The following CCSER1 variants were observed in gnomAD, a reference collection of about 807,000 sequenced individuals.
CCSER1 encodes the protein coiled-coil serine rich protein 1, also known as serine-rich coiled-coil domain-containing protein 1.
A neutral mutation model predicts 82.0 loss-of-function variants in CCSER1; 41 were observed. The ratio of observed to expected loss-of-function variants is 0.50; its 90% CI spans 0.39 to 0.65. The LOEUF (loss-of-function observed/expected upper bound fraction) is 0.65, where lower values mean the gene tolerates loss of function less well. Among genes scored for constraint, CCSER1 ranks in the 30% least tolerant of loss-of-function variants. The pLI is 0.00. For missense variants in CCSER1, 1,119 were observed against 1,064.2 expected (o/e 1.05, Z -0.72); for synonymous variants, 414 against 383.9 (o/e 1.08, Z -0.92).
chr4:90,551,596 C>G (rs901877894), intron 5 of CCSER1, among the ~76,000 whole-genome samples: 1 of 151,102 alleles, frequency 6.6e-6, no homozygotes, highest in African/African-American at 2.4e-5. Flanking sequence ...ATGGGTGGAC[C>G]TCAACTCTAT....
At chr4:91,107,778 C>G (rs914413257) in intron 10 of CCSER1, among the ~76,000 whole-genome samples, 1 of 151,496 alleles carries the variant, frequency 6.6e-6, no homozygotes, top group Non-Finnish European at 1.5e-5. Context: ...GTGGGAAAGA[C>G]ATTAAGGCAC....
rs559962365 is a variant in CCSER1 at position 90,314,770 on chromosome 4, AT to A, written c.1509+1724del. On this transcript the variant is annotated intron_variant, in intron 3 of 10. Coordinates refer to ENST00000509176, the MANE Select transcript of CCSER1 (RefSeq NM_001145065.2). ...TCTCGATAAGATAAATAAAAAATAA[AT>A]AAATAAATAAATAAAATGTAAAAAG... is the stretch of plus-strand genomic sequence containing the variant. Among the ~76,000 whole-genome samples the A allele has an allele frequency of 2.0e-5, 3 of 151,566 alleles. 1 individual carries two copies. The highest frequency in any genetic ancestry group is 2.9e-5 in the Non-Finnish European group (2 of 67,894).
chr4:90,171,329 A>G (rs1235152733), intron 1 of CCSER1, among the ~76,000 whole-genome samples: 3 of 151,988 alleles, frequency 2.0e-5, no homozygotes, highest in Non-Finnish European at 2.9e-5. Flanking sequence ...AGACGTTCCT[A>G]CTTAAATCTA....
At chr4:90,338,889 ATAAG>A (rs1419941351) in intron 3 of CCSER1, among the ~76,000 whole-genome samples, 3 of 152,190 alleles carry the variant, frequency 2.0e-5, no homozygotes, top group South Asian at 2.1e-4. Flanking sequence ...ATGCAATAAA[ATAAG>A]TAAGTCCTAT....
intron 10 of CCSER1, among the ~76,000 whole-genome samples, chr4:91,365,599 T>C (rs1432971878): frequency 6.6e-6 from 1 of 152,160 alleles, no homozygotes; most frequent in African/African-American, 2.4e-5. Flanking sequence ...AATTGCCAAT[T>C]TAGTAATTTA....
At chr4:91,333,601 G>C in intron 10 of CCSER1, among the ~76,000 whole-genome samples, 1 of 152,098 alleles carries the variant, frequency 6.6e-6, no homozygotes, top group Admixed American at 6.6e-5. Context: ...TATGGAAGCA[G>C]AATAAAGTAG....
chr4:90,153,905 G>T (rs868439524), intron 1 of CCSER1, among the ~76,000 whole-genome samples: 102 of 152,144 alleles, frequency 6.7e-4, no homozygotes, highest in Middle Eastern at 6.8e-3. Context: ...GTCAATTTTG[G>T]CTTTTGTTGC....
chr4:90,442,982 A>T (rs1240421277), intron 4 of CCSER1, among the ~76,000 whole-genome samples: 1 of 152,156 alleles, frequency 6.6e-6, no homozygotes, highest in Non-Finnish European at 1.5e-5. Context: ...TAAGTCCCCC[A>T]GTAGATGTCT....
chr4:91,268,924 G>C (rs373600702), intron 10 of CCSER1, among the ~76,000 whole-genome samples: 1 of 152,140 alleles, frequency 6.6e-6, no homozygotes, highest in Non-Finnish European at 1.5e-5. Flanking sequence ...CCATCTGGAC[G>C]TATACGTGCA....
chr4:90,396,017 G>A (rs937709919), intron 3 of CCSER1, among the ~76,000 whole-genome samples: 1 of 152,054 alleles, frequency 6.6e-6, no homozygotes, highest in Non-Finnish European at 1.5e-5. Flanking sequence ...GGGGGCAGAG[G>A]TTGCAGTGAG....
intron 10 of CCSER1, among the ~76,000 whole-genome samples, chr4:91,349,164 C>T (rs1748289185): frequency 1.3e-5 from 2 of 152,132 alleles, no homozygotes. Context: ...GCCTCGGCCT[C>T]CCAAAGTGCT....
chr4:90,668,173 A>G (rs990156357), intron 6 of CCSER1, among the ~76,000 whole-genome samples: 5 of 152,204 alleles, frequency 3.3e-5, no homozygotes, highest in Non-Finnish European at 5.9e-5. Flanking sequence ...TTCTTGAGAA[A>G]TGTATCTGTC....
intron 6 of CCSER1, among the ~76,000 whole-genome samples, chr4:90,636,814 A>G (rs993769022): frequency 1.3e-5 from 2 of 152,294 alleles, no homozygotes; most frequent in African/African-American, 4.8e-5. Context: ...TACGTGTGCT[A>G]GAGGTCCTAG....
At chr4:91,442,613 T>C (rs1282137467) in intron 10 of CCSER1, among the ~76,000 whole-genome samples, 5 of 136,410 alleles carry the variant, frequency 3.7e-5, no homozygotes, top group Non-Finnish European at 7.9e-5. Flanking sequence ...AAAGCCAAAA[T>C]TGACAAATGG....
At chr4:90,964,346 TAAA>T (rs752575205) in intron 9 of CCSER1, among the ~76,000 whole-genome samples, 57 of 151,954 alleles carry the variant, frequency 3.8e-4, no homozygotes, top group Non-Finnish European at 6.2e-4. Context: ...ATAGAGAAAA[TAAA>T]AATTCTTTAA....
chr4:90,155,676 C>T (rs1257451410), intron 1 of CCSER1, among the ~76,000 whole-genome samples: 2 of 152,096 alleles, frequency 1.3e-5, no homozygotes, highest in Admixed American at 6.6e-5. Flanking sequence ...TAGAGGTGTT[C>T]ATAGTATTCT....
intron 1 of CCSER1, among the ~76,000 whole-genome samples, chr4:90,213,188 A>C (rs1027746087): frequency 1.3e-5 from 2 of 152,294 alleles, no homozygotes; most frequent in East Asian, 3.9e-4. Flanking sequence ...GGGTGGTAGC[A>C]GTGGAGAGAG....
intron 10 of CCSER1, among the ~76,000 whole-genome samples, chr4:91,091,425 C>CA (rs1264272073): frequency 1.3e-4 from 19 of 151,906 alleles, no homozygotes; most frequent in Middle Eastern, 3.4e-3. Context: ...AACTATAGAA[C>CA]AAAAAAAATT....
chr4:90,479,882 A>G lies in CCSER1; in HGVS notation c.1724+11528A>G, dbSNP rs542293828. Among the ~76,000 whole-genome samples, 41 of 152,182 alleles carry G rather than the reference A, an allele frequency of 2.7e-4. No individual in the cohort carries two copies. In the East Asian group the frequency reaches 3.3e-3, roughly 12 times the overall value. The stretch of plus-strand genomic sequence containing the variant: ...AGCAGCATGATTTATAATCCTTTGG[A>G]TATATACCCAGTAATGGGATGGCTG... On this transcript the variant is annotated intron_variant, in intron 5 of 10. Transcript: ENST00000509176.
Sources: gnomAD v4.1 joint callset for allele counts (sites outside exome capture counted in the v4.1 genomes callset) on GRCh38, gnomAD v4.1.1 for gene constraint, MANE v1.5 for transcripts, NCBI Gene and HGNC (gene_info 2026-07-23, HGNC 2026-07-21) for gene names.